Variants in ARHGEF12 observed in about 807,000 individuals in gnomAD.
ARHGEF12 encodes the protein Rho guanine nucleotide exchange factor 12.
In ARHGEF12, 66 loss-of-function variants were observed where a neutral mutation model predicts 211.2. The observed-to-expected ratio is 0.31, with a 90% CI of 0.26 to 0.38. ARHGEF12 has a LOEUF of 0.38. ARHGEF12 is among the 10% of genes least tolerant of loss of function. ARHGEF12 has a pLI of 1.00. For synonymous variants in ARHGEF12, 592 were observed against 638.4 expected (o/e 0.93, Z 1.09); for missense variants, 1,429 against 1,869.5 (o/e 0.76, Z 4.34).
At position 120,442,124 on chromosome 11, in the gene ARHGEF12, C is replaced by T. The variant is rs750698587; in HGVS notation, c.1224C>T (p.Asp408=). The T allele has an allele frequency of 1.9e-6, 3 of 1,607,416 alleles. No homozygotes were observed. Among genetic ancestry groups the T allele is most frequent in the Non-Finnish European group, 2.5e-6 (3 of 1,176,950 alleles). ...PATLLCYLYS[D]LYKHTNSKET... is the part of the protein sequence containing the mutation. ...TACAGCTCTGTTATCTCTATTCAGA[C>T]CTGTATAAACATACCAATTCCAAAG... Residue 408 remains aspartate, a synonymous_variant, in exon 15 of 41, where the codon GAC becomes GAT. Coordinates refer to ENST00000397843, the MANE Select transcript of ARHGEF12 (RefSeq NM_015313.3).
chr11:120,473,184 G>T, intron 31 of ARHGEF12, 57 bp downstream of exon 31: 3 of 1,493,762 alleles, frequency 2.0e-6, no homozygotes, highest in Non-Finnish European at 2.8e-6. Flanking sequence ...TAAAGACCTG[G>T]CAGGTAATTA....
rs770766157 is a variant in ARHGEF12 at position 120,475,325 on chromosome 11, C to A, written c.3110-15C>A. ...TTTCTGTACTTACCATTTTTTTCTG[C>A]ACTTTTATTTCTAGATTTATACACG... On this transcript the variant is annotated splice_polypyrimidine_tract_variant and intron_variant, in intron 32 of 40. Coordinates refer to ENST00000397843, the MANE Select transcript of ARHGEF12 (RefSeq NM_015313.3). 3 of 1,608,132 alleles carry A rather than the reference C, an allele frequency of 1.9e-6. No individual in the cohort carries two copies. The highest frequency in any genetic ancestry group is 2.5e-6 in the Non-Finnish European group (3 of 1,176,706).
At chr11:120,372,562 TC>T (rs1278495913) in intron 1 of ARHGEF12, among the ~76,000 whole-genome samples, 3 of 152,116 alleles carry the variant, frequency 2.0e-5, no homozygotes, top group Non-Finnish European at 4.4e-5. Flanking sequence ...ACCAAAGGAA[TC>T]CTAGGTTAAC....
At chr11:120,453,265 G>C (rs1015381919) in intron 22 of ARHGEF12, among the ~76,000 whole-genome samples, 4 of 152,140 alleles carry the variant, frequency 2.6e-5, no homozygotes, top group African/African-American at 9.7e-5. Flanking sequence ...GTTAGATTGG[G>C]TATATGCACT....
chr11:120,386,583 CT>C (rs1192883909), intron 1 of ARHGEF12, among the ~76,000 whole-genome samples: 4 of 152,146 alleles, frequency 2.6e-5, no homozygotes, highest in South Asian at 2.1e-4. Context: ...ATGCTAGGTT[CT>C]TTAGATGTAT....
chr11:120,389,040 G>C (rs1328905142), intron 1 of ARHGEF12, among the ~76,000 whole-genome samples: 3 of 151,202 alleles, frequency 2.0e-5, no homozygotes, highest in Non-Finnish European at 4.4e-5. Flanking sequence ...TTTATTTCTA[G>C]TTTTAGTTTT....
intron 3 of ARHGEF12, 84 bp downstream of exon 3, chr11:120,407,907 G>C: frequency 8.5e-7 from 1 of 1,179,048 alleles, no homozygotes; most frequent in East Asian, 2.4e-5. Context: ...AAACACTCAG[G>C]AATAGTTGTT....
intron 1 of ARHGEF12, among the ~76,000 whole-genome samples, chr11:120,344,952 CCT>C (rs759662073): frequency 2.6e-5 from 4 of 152,172 alleles, no homozygotes; most frequent in African/African-American, 7.2e-5. Context: ...GAATTTTTCC[CCT>C]TTTTTTCCTT....
At chr11:120,479,844 C>A in intron 37 of ARHGEF12, 116 bp from the exon 38 acceptor site, 1 of 773,388 alleles carries the variant, frequency 1.3e-6, no homozygotes, top group Non-Finnish European at 2.1e-6. Context: ...TTTAATATGT[C>A]ATTAAAAGAT....
At chr11:120,398,035 G>A (rs921725985) in intron 1 of ARHGEF12, among the ~76,000 whole-genome samples, 1 of 152,084 alleles carries the variant, frequency 6.6e-6, no homozygotes, top group African/African-American at 2.4e-5. Context: ...TAAAGAAAGT[G>A]AGACATTTCT....
intron 1 of ARHGEF12, among the ~76,000 whole-genome samples, chr11:120,381,445 C>T (rs958804737): frequency 6.6e-6 from 1 of 152,162 alleles, no homozygotes; most frequent in Non-Finnish European, 1.5e-5. Flanking sequence ...TACCCCATAC[C>T]CCATGAGTAC....
intron 4 of ARHGEF12, among the ~76,000 whole-genome samples, chr11:120,416,155 A>G (rs1397168790): frequency 1.3e-5 from 2 of 152,162 alleles, no homozygotes; most frequent in African/African-American, 2.4e-5. Flanking sequence ...AGGCATATTT[A>G]TAAAATTGAC....
intron 24 of ARHGEF12, 119 bp from the exon 25 acceptor site, chr11:120,457,961 T>C (rs1283201366): frequency 7.7e-7 from 1 of 1,290,430 alleles, no homozygotes; most frequent in African/African-American, 1.5e-5. Context: ...GAGGATGAAA[T>C]TTCAGTGCTA....
At chr11:120,449,398 T>A in intron 21 of ARHGEF12, 184 bp downstream of exon 21, 1 of 559,832 alleles carries the variant, frequency 1.8e-6, no homozygotes, top group South Asian at 2.7e-5. Context: ...TGCTACATAA[T>A]TGTCATAAAC....
At chr11:120,471,622 A>T (rs1946871803) in intron 30 of ARHGEF12, among the ~76,000 whole-genome samples, 1 of 152,210 alleles carries the variant, frequency 6.6e-6, no homozygotes, top group African/African-American at 2.4e-5. Context: ...TTACTTTTTT[A>T]AAAAGAACTG....
chr11:120,413,993 C>A (rs116380910), intron 4 of ARHGEF12, among the ~76,000 whole-genome samples: 1,993 of 152,090 alleles, frequency 0.013, 50 homozygotes, highest in African/African-American at 0.046. Context: ...TATAGAATGA[C>A]ACTTCATTTT....
At chr11:120,343,007 T>C (rs12278248) in intron 1 of ARHGEF12, among the ~76,000 whole-genome samples, 2,574 of 152,312 alleles carry the variant, frequency 0.017, 80 homozygotes, top group African/African-American at 0.059. Context: ...TTTTACCTTA[T>C]TGTTTTGTCT....
At chr11:120,442,296 A>T in intron 15 of ARHGEF12, 94 bp downstream of exon 15, 2 of 887,632 alleles carry the variant, frequency 2.3e-6, no homozygotes, top group Non-Finnish European at 3.3e-6. Flanking sequence ...TTTGGATTTT[A>T]CTGTGCTTTC....
intron 1 of ARHGEF12, among the ~76,000 whole-genome samples, chr11:120,355,475 A>G (rs1423817055): frequency 6.6e-6 from 1 of 152,224 alleles, no homozygotes; most frequent in Non-Finnish European, 1.5e-5. Context: ...TACAGATGAG[A>G]AAAAAACTTA....
Sources: gnomAD v4.1 joint callset for allele counts (sites outside exome capture counted in the v4.1 genomes callset) on GRCh38, gnomAD v4.1.1 for gene constraint, MANE v1.5 for transcripts, NCBI Gene and HGNC (gene_info 2026-07-23, HGNC 2026-07-21) for gene names.